Variants in AASDHPPT observed in about 807,000 individuals in gnomAD.
The protein encoded by AASDHPPT is aminoadipate-semialdehyde dehydrogenase-phosphopantetheinyl transferase, also known as L-aminoadipate-semialdehyde dehydrogenase-phosphopantetheinyl transferase.
In AASDHPPT, 23 loss-of-function variants were observed where a neutral mutation model predicts 36.4. That is an observed-to-expected ratio of 0.63 (90% CI 0.45 to 0.89). The LOEUF (loss-of-function observed/expected upper bound fraction) is 0.89. Among genes scored for constraint, AASDHPPT ranks in the 40% least tolerant of loss-of-function variants. AASDHPPT has a pLI of 0.00. For missense variants in AASDHPPT, 377 were observed against 378.2 expected (o/e 1.00, Z 0.03); for synonymous variants, 115 against 128.0 (o/e 0.90, Z 0.68).
intron 2 of AASDHPPT, among the ~76,000 whole-genome samples, chr11:106,085,434 T>C (rs1007470152): frequency 4.6e-5 from 7 of 152,322 alleles, no homozygotes; most frequent in African/African-American, 7.2e-5. Flanking sequence ...CACAATGTAA[T>C]TGTATATTTG....
intron 2 of AASDHPPT, among the ~76,000 whole-genome samples, chr11:106,085,345 C>T (rs1332870047): frequency 6.6e-6 from 1 of 152,116 alleles, no homozygotes; most frequent in Non-Finnish European, 1.5e-5. Context: ...TCGTGATCTA[C>T]CCGCCTCGGC....
At chr11:106,083,920 T>C (rs543042336) in intron 2 of AASDHPPT, among the ~76,000 whole-genome samples, 8 of 152,216 alleles carry the variant, frequency 5.3e-5, no homozygotes, top group East Asian at 1.9e-4. Flanking sequence ...AAAAAAATTA[T>C]ATTCCAAAAA....
In AASDHPPT at chr11:106,090,688, T is replaced by G; in HGVS notation, c.531+10T>G. The stretch of plus-strand genomic sequence containing the variant: ...GTTTTATAGGAATTGGGTATAATTC[T>G]TTCTAATTTTGAAAGCAAAAGTCTA... On this transcript the variant is annotated intron_variant, in intron 3 of 5. Transcript: ENST00000278618. The G allele has an allele frequency of 6.3e-7, 1 of 1,575,502 alleles. No individual in the cohort carries two copies. Among genetic ancestry groups the G allele is most frequent in the Non-Finnish European group, 8.6e-7 (1 of 1,166,052 alleles).
chr11:106,095,770 G>C (rs1361894938), intron 5 of AASDHPPT: 2 of 152,202 alleles, frequency 1.3e-5, no homozygotes, highest in East Asian at 1.9e-4. Flanking sequence ...GGGATGGCAT[G>C]TTAAAATTGA....
At chr11:106,088,356 C>A (rs1157919470) in intron 2 of AASDHPPT, among the ~76,000 whole-genome samples, 3 of 151,940 alleles carry the variant, frequency 2.0e-5, no homozygotes, top group African/African-American at 7.2e-5. Flanking sequence ...CAGAATGACA[C>A]TATAGATGAC....
chr11:106,079,715 T>C (rs1861114099), intron 2 of AASDHPPT, 23 bp downstream of exon 2: 1 of 1,597,982 alleles, frequency 6.3e-7, no homozygotes, highest in African/African-American at 1.3e-5. Flanking sequence ...TTTTCTAGTA[T>C]GGCAGTTAAG....
At chr11:106,095,272 G>A (rs781207342) in intron 5 of AASDHPPT, among the ~76,000 whole-genome samples, 14 of 152,066 alleles carry the variant, frequency 9.2e-5, no homozygotes, top group Non-Finnish European at 2.1e-4. Context: ...TTATTTCTTG[G>A]TGAATTGGGG....
rs1271928923 is a variant in AASDHPPT, at chr11:106,086,591, C to A, written c.410-3966C>A. Among the ~76,000 whole-genome samples, 3 of 152,264 alleles carry A rather than the reference C, an allele frequency of 2.0e-5. No homozygotes were observed. In the South Asian group the frequency reaches 6.2e-4, roughly 32 times the overall value. ...ATCTAACATACAAAGTAAATTCACC[C>A]CATCCCAGCATTAGCAATTCTCAGC... On this transcript the variant is annotated intron_variant, in intron 2 of 5. Coordinates refer to ENST00000278618, the MANE Select transcript of AASDHPPT (RefSeq NM_015423.3).
chr11:106,093,523 T>G (rs1861277997), intron 4 of AASDHPPT: 1 of 152,330 alleles, frequency 6.6e-6, no homozygotes, highest in South Asian at 2.1e-4. Flanking sequence ...TCTTATATTT[T>G]TCCTCTTTAA....
intron 2 of AASDHPPT, among the ~76,000 whole-genome samples, chr11:106,089,258 A>G (rs1277958613): frequency 6.6e-6 from 1 of 152,058 alleles, no homozygotes; most frequent in African/African-American, 2.4e-5. Context: ...TACATAAGAA[A>G]TGCCCATAGA....
intron 5 of AASDHPPT, among the ~76,000 whole-genome samples, chr11:106,095,107 C>A (rs886241667): frequency 4.6e-5 from 7 of 152,064 alleles, no homozygotes; most frequent in Non-Finnish European, 8.8e-5. Context: ...GCCTGGGAAA[C>A]AAGCGAAACT....
At chr11:106,092,078 C>T (rs1861261983) in intron 4 of AASDHPPT, 1 of 152,212 alleles carries the variant, frequency 6.6e-6, no homozygotes, top group South Asian at 2.1e-4. Context: ...TCATTCTGTA[C>T]ACCAGCTTTC....
rs576688924 is a variant in AASDHPPT, at chr11:106,081,945, C to T, written c.409+2253C>T. 4.4e-4 allele frequency among the ~76,000 whole-genome samples: 67 copies of T among 151,852 alleles called. 1 individual carries two copies. The highest frequency in any genetic ancestry group is 1.6e-3 in the African/African-American group (65 of 41,390). ...ATGGGTGCAGCACACCAGCATGGCA[C>T]ATGTATACATATGTAACTAACCTGC... is the stretch of plus-strand genomic sequence containing the variant. On this transcript the variant is annotated intron_variant, in intron 2 of 5. Coordinates refer to ENST00000278618, the MANE Select transcript of AASDHPPT (RefSeq NM_015423.3).
intron 4 of AASDHPPT, chr11:106,094,222 G>T (rs181663551): frequency 3.1e-5 from 5 of 162,294 alleles, no homozygotes; most frequent in Non-Finnish European, 5.3e-5. Flanking sequence ...CTGGGCTCCT[G>T]TTCTGGAGGA....
At chr11:106,084,096 T>G (rs1861172286) in intron 2 of AASDHPPT, among the ~76,000 whole-genome samples, 1 of 152,088 alleles carries the variant, frequency 6.6e-6, no homozygotes, top group Non-Finnish European at 1.5e-5. Flanking sequence ...AGCTATTACC[T>G]TAATGATTAG....
At chr11:106,089,029 T>C (rs1387855065) in intron 2 of AASDHPPT, among the ~76,000 whole-genome samples, 1 of 152,032 alleles carries the variant, frequency 6.6e-6, no homozygotes, top group Non-Finnish European at 1.5e-5. Context: ...GGTATTTGGT[T>C]ACTGCAGGAG....
At chr11:106,081,273 G>A (rs1861137416) in intron 2 of AASDHPPT, among the ~76,000 whole-genome samples, 2 of 152,078 alleles carry the variant, frequency 1.3e-5, no homozygotes, top group Admixed American at 1.3e-4. Flanking sequence ...AACCTTTCCA[G>A]TACAACTCTA....
intron 2 of AASDHPPT, among the ~76,000 whole-genome samples, chr11:106,081,126 A>G (rs1307389529): frequency 2.6e-5 from 4 of 152,318 alleles, no homozygotes; most frequent in African/African-American, 9.6e-5. Flanking sequence ...ATAGTAAAAT[A>G]TTTGTCAAAT....
chr11:106,087,679 T>G (rs1861210541), intron 2 of AASDHPPT, among the ~76,000 whole-genome samples: 1 of 152,190 alleles, frequency 6.6e-6, no homozygotes, highest in African/African-American at 2.4e-5. Context: ...GCATTGGATC[T>G]AAATGATTTT....
Sources: allele counts gnomAD v4.1 joint callset (sites outside exome capture counted in the v4.1 genomes callset), GRCh38; gene constraint gnomAD v4.1.1; transcripts MANE v1.5; gene names NCBI Gene and HGNC (gene_info 2026-07-23, HGNC 2026-07-21).